The following DLGAP2 variants were observed in gnomAD, a reference collection of about 807,000 sequenced individuals.
DLGAP2 encodes the protein DLG associated protein 2.
Under a neutral mutation model 100.3 loss-of-function variants are expected in DLGAP2, and 26 were observed. That is an observed-to-expected ratio of 0.26 (90% CI 0.19 to 0.36). The LOEUF (loss-of-function observed/expected upper bound fraction) is 0.36. Among genes scored for constraint, DLGAP2 ranks in the 10% least tolerant of loss-of-function variants. The probability of loss-of-function intolerance (pLI) is 1.00; values close to 1 mark genes in which losing one functional copy is unlikely to be tolerated. For missense variants in DLGAP2, 1,858 were observed against 1,453.2 expected (o/e 1.28, Z -4.53); for synonymous variants, 886 against 630.1 (o/e 1.41, Z -6.08).
intron 2 of DLGAP2, among the ~76,000 whole-genome samples, chr8:988,402 C>G (rs1487681908): frequency 1.3e-5 from 2 of 152,174 alleles, no homozygotes; most frequent in Non-Finnish European, 2.9e-5. Flanking sequence ...TAACACTCAG[C>G]CTTAAATTCT....
intron 3 of DLGAP2, among the ~76,000 whole-genome samples, chr8:1,415,675 G>T (rs937863930): frequency 1.3e-5 from 2 of 152,216 alleles, no homozygotes; most frequent in African/African-American, 4.8e-5. Context: ...GAATTTCGTG[G>T]TGTATAGGTA....
chr8:772,218 T>C (rs1029532547), intron 1 of DLGAP2, among the ~76,000 whole-genome samples: 8 of 152,106 alleles, frequency 5.3e-5, no homozygotes, highest in African/African-American at 1.9e-4. Context: ...TAATTTTAAA[T>C]TTTCTAGTAG....
chr8:759,342 A>G (rs1301625419), intron 1 of DLGAP2, among the ~76,000 whole-genome samples: 1 of 151,508 alleles, frequency 6.6e-6, no homozygotes, highest in African/African-American at 2.4e-5. Context: ...TGTCTGCCAC[A>G]GTGGATGGAC....
chr8:1,380,635 T>A (rs181187459), intron 3 of DLGAP2, among the ~76,000 whole-genome samples: 3 of 152,262 alleles, frequency 2.0e-5, no homozygotes, highest in East Asian at 3.9e-4. Context: ...TACTCCAAAT[T>A]GCTTCTGAAA....
chr8:1,148,340 CTTTT>C (rs1188887028), intron 2 of DLGAP2, among the ~76,000 whole-genome samples: 1 of 151,920 alleles, frequency 6.6e-6, no homozygotes. Flanking sequence ...CTTTAAGCTT[CTTTT>C]GTTTTCTCTA....
chr8:905,334 T>A (rs1798355712), intron 1 of DLGAP2, among the ~76,000 whole-genome samples: 1 of 151,146 alleles, frequency 6.6e-6, no homozygotes. Context: ...ACCCCAGGGG[T>A]CAGGCGTACT....
chr8:1,649,548 G>C (rs769131359), intron 8 of DLGAP2, among the ~76,000 whole-genome samples: 4 of 152,182 alleles, frequency 2.6e-5, no homozygotes, highest in East Asian at 3.8e-4. Flanking sequence ...TAACTGGCAA[G>C]TTTGGTCTAT....
chr8:1,156,532 C>A (rs1253819058), intron 2 of DLGAP2, among the ~76,000 whole-genome samples: 1 of 152,148 alleles, frequency 6.6e-6, no homozygotes, highest in African/African-American at 2.4e-5. Context: ...AGGAGTGGCC[C>A]CGACTCCCCC....
At chr8:962,250 A>T (rs937417060) in intron 2 of DLGAP2, among the ~76,000 whole-genome samples, 2 of 152,196 alleles carry the variant, frequency 1.3e-5, no homozygotes, top group African/African-American at 4.8e-5. Flanking sequence ...TCAAGTAGTA[A>T]AATTACAGCT....
chr8:894,318 C>A, intron 1 of DLGAP2, among the ~76,000 whole-genome samples: 1 of 152,164 alleles, frequency 6.6e-6, no homozygotes, highest in Non-Finnish European at 1.5e-5. Flanking sequence ...ACTGGTGTGA[C>A]AGGGACAGGG....
intron 3 of DLGAP2, among the ~76,000 whole-genome samples, chr8:1,389,483 G>T (rs1438733896): frequency 6.6e-6 from 1 of 152,126 alleles, no homozygotes; most frequent in East Asian, 1.9e-4. Flanking sequence ...TGTCGATGAG[G>T]GACCCCGCTA....
At chr8:915,580 G>A (rs567789195) in intron 2 of DLGAP2, among the ~76,000 whole-genome samples, 4 of 151,926 alleles carry the variant, frequency 2.6e-5, no homozygotes, top group African/African-American at 4.8e-5. Context: ...GCTGGAATGA[G>A]ACTGTTGTCA....
At chr8:924,835 C>T (rs1401267332) in intron 2 of DLGAP2, among the ~76,000 whole-genome samples, 1 of 152,136 alleles carries the variant, frequency 6.6e-6, no homozygotes, top group African/African-American at 2.4e-5. Flanking sequence ...ATCCACCTGC[C>T]TTGGCCTCCC....
At chr8:1,190,424 TGTTGGGGC>T (rs1797607492) in intron 2 of DLGAP2, among the ~76,000 whole-genome samples, 2 of 151,816 alleles carry the variant, frequency 1.3e-5, no homozygotes, top group Non-Finnish European at 2.9e-5. Flanking sequence ...GGGCATCTGC[TGTTGGGGC>T]ATCTGCTGTT....
At chr8:1,269,328 G>A (rs1048152220) in intron 3 of DLGAP2, among the ~76,000 whole-genome samples, 15 of 152,202 alleles carry the variant, frequency 9.9e-5, no homozygotes, top group South Asian at 4.1e-4. Flanking sequence ...CTCCTGGTAC[G>A]GGGAGGATGG....
intron 2 of DLGAP2, among the ~76,000 whole-genome samples, chr8:1,160,501 G>C (rs192350678): frequency 9.2e-5 from 14 of 152,230 alleles, no homozygotes; most frequent in Non-Finnish European, 1.8e-4. Flanking sequence ...TCATTTTTTC[G>C]ACTGCAGACT....
intron 14 of DLGAP2, among the ~76,000 whole-genome samples, chr8:1,700,915 G>A (rs1799547265): frequency 6.6e-6 from 1 of 152,236 alleles, no homozygotes; most frequent in African/African-American, 2.4e-5. Context: ...GTGCGAATCT[G>A]CAGAATTTCT....
chr8:1,061,678 G>T (rs1803087942), intron 2 of DLGAP2, among the ~76,000 whole-genome samples: 1 of 151,968 alleles, frequency 6.6e-6, no homozygotes, highest in African/African-American at 2.4e-5. Context: ...GGGAGCCGGG[G>T]CCCAGGTGAG....
chr8:1,065,290 A>G (rs1294983205), intron 2 of DLGAP2, among the ~76,000 whole-genome samples: 1 of 152,246 alleles, frequency 6.6e-6, no homozygotes, highest in Non-Finnish European at 1.5e-5. Flanking sequence ...AGATTATTTC[A>G]AGATAACAAC....
Sources: allele counts gnomAD v4.1 joint callset (sites outside exome capture counted in the v4.1 genomes callset), GRCh38; gene constraint gnomAD v4.1.1; transcripts MANE v1.5; gene names NCBI Gene and HGNC (gene_info 2026-07-23, HGNC 2026-07-21).